AGBL4: variants seen among roughly 807,000 people sequenced by gnomAD.
The protein encoded by AGBL4 is AGBL carboxypeptidase 4.
A neutral mutation model predicts 66.4 loss-of-function variants in AGBL4; 58 were observed. The observed-to-expected ratio is 0.87, with a 90% CI of 0.71 to 1.09. The LOEUF (loss-of-function observed/expected upper bound fraction) is 1.09, where lower values mean the gene tolerates loss of function less well. Among genes scored for constraint, AGBL4 ranks in the 50% least tolerant of loss-of-function variants. The pLI, the probability that AGBL4 is intolerant of heterozygous loss-of-function variation, is 0.00. For missense variants in AGBL4, 579 were observed against 631.0 expected (o/e 0.92, Z 0.88); for synonymous variants, 234 against 222.9 (o/e 1.05, Z -0.44).
At chr1:49,565,629 G>T (rs1389458220) in intron 3 of AGBL4, among the ~76,000 whole-genome samples, 2 of 152,090 alleles carry the variant, frequency 1.3e-5, no homozygotes, top group East Asian at 3.9e-4. Context: ...TTGAATATTG[G>T]CCCCCACTCT....
intron 2 of AGBL4, among the ~76,000 whole-genome samples, chr1:49,762,603 G>C (rs1019964511): frequency 1.3e-5 from 2 of 151,848 alleles, no homozygotes; most frequent in African/African-American, 4.8e-5. Flanking sequence ...TAGTAGAGAC[G>C]GCGTTTCACC....
chr1:49,935,354 C>G (rs566908459), intron 1 of AGBL4, among the ~76,000 whole-genome samples: 1 of 152,338 alleles, frequency 6.6e-6, no homozygotes, highest in East Asian at 1.9e-4. Context: ...GTGGAGCCCA[C>G]CACAGCTCAA....
chr1:49,559,820 C>T (rs1021150899), intron 3 of AGBL4, among the ~76,000 whole-genome samples: 2 of 152,088 alleles, frequency 1.3e-5, no homozygotes, highest in East Asian at 3.9e-4. Flanking sequence ...CTACTGACTT[C>T]CTTGCTCCTC....
intron 4 of AGBL4, among the ~76,000 whole-genome samples, chr1:49,211,168 T>C (rs1648639326): frequency 6.6e-6 from 1 of 152,152 alleles, no homozygotes. Context: ...TATTAGTAGC[T>C]GTTCCATTGC....
At chr1:49,716,356 CT>C (rs1244280416) in intron 2 of AGBL4, among the ~76,000 whole-genome samples, 3 of 152,000 alleles carry the variant, frequency 2.0e-5, no homozygotes, top group African/African-American at 7.2e-5. Flanking sequence ...TAACTGTAGC[CT>C]TGTAGTATAG....
chr1:48,797,831 GC>G (rs1442393393), intron 6 of AGBL4, among the ~76,000 whole-genome samples: 20 of 152,168 alleles, frequency 1.3e-4, no homozygotes, highest in Admixed American at 1.3e-3. Flanking sequence ...ACAGGCGTGA[GC>G]CACTGCACCC....
intron 3 of AGBL4, among the ~76,000 whole-genome samples, chr1:49,645,906 A>G (rs1192680287): frequency 2.6e-5 from 4 of 151,536 alleles, no homozygotes; most frequent in Admixed American, 6.6e-5. Context: ...TTAACAAACT[A>G]AAAAAGAAAA....
chr1:49,603,754 C>T (rs1645010788), intron 3 of AGBL4, among the ~76,000 whole-genome samples: 1 of 151,854 alleles, frequency 6.6e-6, no homozygotes. Context: ...TCCATTATAC[C>T]ACTCTATATG....
intron 1 of AGBL4, among the ~76,000 whole-genome samples, chr1:50,006,974 A>G (rs1046595454): frequency 6.6e-6 from 1 of 152,232 alleles, no homozygotes; most frequent in Non-Finnish European, 1.5e-5. Flanking sequence ...TCTTGAGTAT[A>G]AAGACTAAAT....
intron 3 of AGBL4, among the ~76,000 whole-genome samples, chr1:49,578,229 C>T (rs1159562166): frequency 6.6e-6 from 1 of 152,208 alleles, no homozygotes; most frequent in Non-Finnish European, 1.5e-5. Flanking sequence ...AATCAGTCTA[C>T]TACTCCACAA....
chr1:49,700,601 C>T (rs1351903152), intron 2 of AGBL4, among the ~76,000 whole-genome samples: 1 of 152,034 alleles, frequency 6.6e-6, no homozygotes, highest in African/African-American at 2.4e-5. Flanking sequence ...CAAAACTGAT[C>T]ATATGCTCGT....
chr1:49,638,819 T>C (rs1645726465), intron 3 of AGBL4, among the ~76,000 whole-genome samples: 1 of 152,190 alleles, frequency 6.6e-6, no homozygotes, highest in Non-Finnish European at 1.5e-5. Context: ...GGTATTTTCT[T>C]CATAGCAGTA....
chr1:48,823,771 G>C (rs1370892279), intron 6 of AGBL4, among the ~76,000 whole-genome samples: 1 of 152,196 alleles, frequency 6.6e-6, no homozygotes, highest in African/African-American at 2.4e-5. Flanking sequence ...GAACAGAAGA[G>C]GTACCAAAGC....
chr1:49,232,604 C>A (rs575799366), intron 4 of AGBL4, among the ~76,000 whole-genome samples: 1 of 151,480 alleles, frequency 6.6e-6, no homozygotes, highest in African/African-American at 2.4e-5. Flanking sequence ...GAGGCTGAGG[C>A]AGGAGAATGG....
rs150850800 is a variant in AGBL4 at position 49,706,282 on chromosome 1, G to C, written c.158-8845C>G. On this transcript the variant is annotated intron_variant, in intron 2 of 13. Coordinates refer to ENST00000371839, the MANE Select transcript of AGBL4 (RefSeq NM_032785.4). ...TTCTTCCTGGTTTAGTCTTGGGAGGGTGTTGTGTCCAGGAATTCATCCATT... is the reference window on the plus strand; with the variant it reads ...TTCTTCCTGGTTTAGTCTTGGGAGGCTGTTGTGTCCAGGAATTCATCCATT... Among the ~76,000 whole-genome samples the C allele has an allele frequency of 6.6e-5, 10 of 152,202 alleles. No homozygotes were observed. In the East Asian group the frequency reaches 1.9e-3, roughly 29 times the overall value.
chr1:49,010,077 G>T (rs2149004130), intron 5 of AGBL4, among the ~76,000 whole-genome samples: 1 of 152,288 alleles, frequency 6.6e-6, no homozygotes, highest in Admixed American at 6.5e-5. Flanking sequence ...TAGGAAAAGA[G>T]GAAGTCAAAT....
chr1:49,729,112 T>G (rs1274290363), intron 2 of AGBL4, among the ~76,000 whole-genome samples: 1 of 152,186 alleles, frequency 6.6e-6, no homozygotes, highest in African/African-American at 2.4e-5. Flanking sequence ...GAGATACATG[T>G]GAATAAAAGT....
chr1:48,670,108 A>G (rs150066901), intron 6 of AGBL4, among the ~76,000 whole-genome samples: 327 of 152,374 alleles, frequency 2.1e-3, no homozygotes, highest in Non-Finnish European at 3.3e-3. Context: ...ATTCTGGAAT[A>G]TCAGGCGCTG....
intron 5 of AGBL4, among the ~76,000 whole-genome samples, chr1:49,015,301 T>C (rs1276862367): frequency 6.6e-6 from 1 of 152,080 alleles, no homozygotes; most frequent in Non-Finnish European, 1.5e-5. Context: ...ATGGTAGGGT[T>C]TGAGAAAGGT....
Sources: gnomAD v4.1 joint callset for allele counts (sites outside exome capture counted in the v4.1 genomes callset) on GRCh38, gnomAD v4.1.1 for gene constraint, MANE v1.5 for transcripts, NCBI Gene and HGNC (gene_info 2026-07-23, HGNC 2026-07-21) for gene names.